Variants in CREBRF observed in about 807,000 individuals in gnomAD.
CREBRF encodes the protein CREB3 regulatory factor, also known as UPF0474 protein C5orf41.
CREBRF carries 5 observed loss-of-function variants against 66.1 expected under a neutral mutation model. The observed-to-expected ratio is 0.08, with a 90% confidence interval of 0.04 to 0.16. The LOEUF is 0.16. Ranked by LOEUF, CREBRF falls within the 10% of genes least tolerant of loss-of-function variation. CREBRF has a pLI of 1.00. For synonymous variants in CREBRF, 229 were observed against 264.4 expected, an observed-to-expected ratio of 0.87 and a Z score of 1.30; for missense variants, 531 against 744.9, an observed-to-expected ratio of 0.71 and a Z score of 3.34.
At chr5:173,100,729 C>T (rs1448414126) in intron 4 of CREBRF, among the ~76,000 whole-genome samples, 4 of 152,202 alleles carry the variant, frequency 2.6e-5, no homozygotes, top group African/African-American at 9.6e-5. Context: ...CCCCCCCAAC[C>T]CATATGTTTT....
Position 173,080,636 on chromosome 5 carries a change from A to G in CREBRF, c.-140A>G, listed in dbSNP as rs904498460. 8.1e-6 allele frequency: 6 copies of G among 744,586 alleles called. No individual in the cohort carries two copies. The African/African-American group carries it at 8.9e-5, about 11-fold the overall frequency. The allele number at this position is 744,586 out of a possible 1,614,324, so 46.1% of individuals were successfully genotyped here. A position where few individuals can be genotyped will look rare whatever the true frequency, so the allele number is the denominator to read the frequency against. ...AAAAAGCAGTGATCCAAGCAATTGA[A>G]TTGGAAGCACTCTGGGGAAACCTGC... On this transcript the variant is annotated 5_prime_UTR_variant, in exon 2 of 9. Transcript: ENST00000296953.
At position 173,133,818 on chromosome 5, in the gene CREBRF, T is replaced by G; in HGVS notation, c.*73T>G. 2.6e-6 allele frequency: 2 copies of G among 777,468 alleles called. No homozygotes were observed. Among genetic ancestry groups the G allele is most frequent in the Non-Finnish European group, 4.3e-6 (2 of 461,960 alleles). The allele number at this position is 777,468 out of a possible 1,614,324, so 48.2% of individuals were successfully genotyped here. ...TATCCATTGTAAATTTTCATTCTGT[T>G]TTGCATGTCAGTTAGCATTATGTAA... On this transcript the variant is annotated 3_prime_UTR_variant, in exon 9 of 9. Transcript: ENST00000296953.
chr5:173,124,004 T>G (rs1759203305), intron 8 of CREBRF: 1 of 152,220 alleles, frequency 6.6e-6, no homozygotes, highest in Non-Finnish European at 1.5e-5. Context: ...TAGCATTTCT[T>G]TCTTTTCTTT....
At chr5:173,062,444 T>C in intron 1 of CREBRF, among the ~76,000 whole-genome samples, 1 of 152,206 alleles carries the variant, frequency 6.6e-6, no homozygotes, top group Non-Finnish European at 1.5e-5. Context: ...AATCACCGTC[T>C]GTTCAAACAA....
chr5:173,122,501 C>T (rs1327339265), intron 7 of CREBRF, among the ~76,000 whole-genome samples: 2 of 150,254 alleles, frequency 1.3e-5, no homozygotes, highest in African/African-American at 2.4e-5. Flanking sequence ...CTTTCTTACA[C>T]ATTCTCCATT....
At chr5:173,116,080 T>C (rs911402103) in intron 7 of CREBRF, among the ~76,000 whole-genome samples, 2 of 152,174 alleles carry the variant, frequency 1.3e-5, no homozygotes, top group African/African-American at 4.8e-5. Context: ...GGGAGGATTG[T>C]TTGAGACTAG....
intron 8 of CREBRF, among the ~76,000 whole-genome samples, chr5:173,128,908 G>A (rs1759338038): frequency 6.6e-6 from 1 of 151,260 alleles, no homozygotes; most frequent in Non-Finnish European, 1.5e-5. Context: ...AGCCGCCGGA[G>A]TAGCTGGGAC....
chr5:173,086,253 T>G, intron 2 of CREBRF: 1 of 709,564 alleles, frequency 1.4e-6, no homozygotes, highest in Admixed American at 2.0e-5. Flanking sequence ...AATCTGATGT[T>G]GACCTCAGCT....
chr5:173,083,969 C>G (rs1758049881), intron 2 of CREBRF, among the ~76,000 whole-genome samples: 1 of 151,914 alleles, frequency 6.6e-6, no homozygotes, highest in Non-Finnish European at 1.5e-5. Flanking sequence ...ATTAACTTCC[C>G]AAAAAATCAG....
chr5:173,072,932 A>G (rs1259104307), intron 1 of CREBRF, among the ~76,000 whole-genome samples: 1 of 152,198 alleles, frequency 6.6e-6, no homozygotes, highest in Non-Finnish European at 1.5e-5. Context: ...ATTCAACAAA[A>G]TGAGTAGGGG....
chr5:173,108,174 A>T (rs73331196), intron 4 of CREBRF, among the ~76,000 whole-genome samples: 8,815 of 151,130 alleles, frequency 0.058, 586 homozygotes, highest in African/African-American at 0.16. Flanking sequence ...AAAAATATTT[A>T]AAAAAAAAGA....
chr5:173,100,215 A>T (rs1758593862), intron 4 of CREBRF, among the ~76,000 whole-genome samples: 1 of 141,962 alleles, frequency 7.0e-6, no homozygotes, highest in East Asian at 2.1e-4. Context: ...ACCTCAAGTG[A>T]TCCGCCCACC....
At chr5:173,062,169 A>G (rs1267464568) in intron 1 of CREBRF, among the ~76,000 whole-genome samples, 1 of 152,142 alleles carries the variant, frequency 6.6e-6, no homozygotes, top group African/African-American at 2.4e-5. Flanking sequence ...GAATATGCTA[A>G]TATTTCGGTC....
Position 173,090,463 on chromosome 5 carries a change from G to A in CREBRF, c.284G>A (p.Cys95Tyr), listed in dbSNP as rs369014574. The A allele has an allele frequency of 1.9e-5, 31 of 1,613,766 alleles. No homozygotes were observed. Among genetic ancestry groups the A allele is most frequent in the South Asian group, 1.3e-4 (12 of 91,080 alleles). ...AACTGGGAACAGTGGGATACATACTGTGAAGACCTAACGAAATATACCAAA... is the reference window on the plus strand; with the variant it reads ...AACTGGGAACAGTGGGATACATACTATGAAGACCTAACGAAATATACCAAA... Reference protein sequence around the residue: ...TSNWEQWDTYCEDLTKYTKLT... With the variant: ...TSNWEQWDTYYEDLTKYTKLT... The change falls in exon 4 of 9, where the codon TGT becomes TAT. Residue 95 changes from cysteine to tyrosine, a missense_variant. By Grantham distance (194) the Cys-to-Tyr change is radical. Transcript: ENST00000296953. This position sits in a 1 kb window ranked among gnomAD's most constrained non-coding sequence, Gnocchi z 4.5.
At chr5:173,111,472 GC>G (rs1758869380) in intron 6 of CREBRF, among the ~76,000 whole-genome samples, 1 of 152,168 alleles carries the variant, frequency 6.6e-6, no homozygotes, top group South Asian at 2.1e-4. Flanking sequence ...TCACCATGTT[GC>G]CCAGGCCTCC....
intron 8 of CREBRF, among the ~76,000 whole-genome samples, chr5:173,131,016 CTTATTT>C (rs1421322451): frequency 4.6e-5 from 7 of 152,266 alleles, no homozygotes; most frequent in Admixed American, 6.5e-5. Flanking sequence ...CAGCAGCAAA[CTTATTT>C]TTATGTTTGT....
chr5:173,056,599 G>C (rs1757048204), intron 1 of CREBRF, 120 bp downstream of exon 1: 1 of 391,298 alleles, frequency 2.6e-6, no homozygotes, highest in Non-Finnish European at 4.5e-6. Flanking sequence ...GGCCGGGCCG[G>C]CGCGGGGCGG....
chr5:173,069,337 A>T (rs1581660176), intron 1 of CREBRF, among the ~76,000 whole-genome samples: 2 of 152,064 alleles, frequency 1.3e-5, no homozygotes, highest in South Asian at 4.2e-4. Flanking sequence ...TCTTTTTTTT[A>T]AATATATTTC....
intron 8 of CREBRF, among the ~76,000 whole-genome samples, chr5:173,129,142 A>G (rs1307691448): frequency 4.5e-5 from 4 of 88,076 alleles, no homozygotes; most frequent in Admixed American, 3.6e-4. Flanking sequence ...TTTGAGACGG[A>G]GTCTCGCTCT....
Sources: allele counts gnomAD v4.1 joint callset (sites outside exome capture counted in the v4.1 genomes callset), GRCh38; gene constraint gnomAD v4.1.1; non-coding constraint Gnocchi (gnomAD v3.1); transcripts MANE v1.5; gene names NCBI Gene and HGNC (gene_info 2026-07-23, HGNC 2026-07-21).